SP4: variants seen among roughly 807,000 people sequenced by gnomAD.
The protein encoded by SP4 is transcription factor Sp4.
A neutral mutation model predicts 72.8 loss-of-function variants in SP4; 19 were observed. The observed-to-expected ratio is 0.26, with a 90% CI of 0.18 to 0.38. SP4 has a LOEUF of 0.38. SP4 is among the 10% of genes least tolerant of loss of function. SP4 has a pLI of 1.00. For synonymous variants in SP4, 395 were observed against 333.1 expected (o/e 1.19, Z -2.02); for missense variants, 1,008 against 926.3 (o/e 1.09, Z -1.14).
chr7:21,474,118 A>G (rs1031529662), intron 3 of SP4, among the ~76,000 whole-genome samples: 50 of 152,200 alleles, frequency 3.3e-4, no homozygotes, highest in Non-Finnish European at 1.3e-4. Flanking sequence ...GAGTGTGTCA[A>G]GGACATGGTC....
chr7:21,463,529 A>T (rs2128403163), intron 3 of SP4, among the ~76,000 whole-genome samples: 1 of 152,340 alleles, frequency 6.6e-6, no homozygotes, highest in Non-Finnish European at 1.5e-5. Context: ...CACGGATGCT[A>T]AGCGAAGCCA....
At chr7:21,452,584 GCCATTC>G (rs1463875508) in intron 3 of SP4, among the ~76,000 whole-genome samples, 1 of 152,112 alleles carries the variant, frequency 6.6e-6, no homozygotes, top group Non-Finnish European at 1.5e-5. Context: ...AGGAAAGCAT[GCCATTC>G]CAGTCAAAAC....
At chr7:21,510,946 A>G in intron 5 of SP4, 76 bp from the exon 6 acceptor site, 4 of 1,395,100 alleles carry the variant, frequency 2.9e-6, no homozygotes, top group Non-Finnish European at 3.9e-6. Context: ...TAATGTGACC[A>G]GAAGGGAGAT....
intron 5 of SP4, among the ~76,000 whole-genome samples, chr7:21,487,518 A>T (rs1484278133): frequency 6.6e-6 from 1 of 151,274 alleles, no homozygotes; most frequent in Admixed American, 6.6e-5. Flanking sequence ...TTTCTATTGA[A>T]TTGCATTTTA....
Position 21,509,952 on chromosome 7 carries a change from A to G in SP4, c.2108-1070A>G, listed in dbSNP as rs569611177. ...ATCATGGTGGAGGGCAAAGAGGAGCAAATCACATCTCGTGTGGATGGTGGC... is the reference window on the plus strand; with the variant it reads ...ATCATGGTGGAGGGCAAAGAGGAGCGAATCACATCTCGTGTGGATGGTGGC... On this transcript the variant is annotated intron_variant, in intron 5 of 5. Coordinates refer to ENST00000222584, the MANE Select transcript of SP4 (RefSeq NM_003112.5). 2.0e-5 allele frequency among the ~76,000 whole-genome samples: 3 copies of G among 152,356 alleles called. No individual in the cohort carries two copies. The South Asian group carries it at 6.2e-4, about 32-fold the overall frequency.
chr7:21,483,034 G>C (rs1251112188), intron 5 of SP4, among the ~76,000 whole-genome samples: 13 of 152,074 alleles, frequency 8.5e-5, no homozygotes, highest in Admixed American at 7.9e-4. Context: ...GCTAGGTAAT[G>C]GCTAAAGAGT....
intron 3 of SP4, among the ~76,000 whole-genome samples, chr7:21,442,116 G>C (rs1426361345): frequency 6.8e-6 from 1 of 146,318 alleles, no homozygotes; most frequent in East Asian, 2.0e-4. Context: ...TCGGCTCGCT[G>C]CAGCCTCTGC....
chr7:21,445,141 C>T lies in SP4; in HGVS notation c.1678+14298C>T, dbSNP rs1014745656. Among the ~76,000 whole-genome samples the T allele has an allele frequency of 5.3e-5, 8 of 152,134 alleles. No homozygotes were observed. In the East Asian group the frequency reaches 5.8e-4, roughly 11 times the overall value. Reference sequence around the variant, plus strand: ...AAAACACAGATTCTAAGAATATAAGCGCAATAAGAGTATGTATTCTTTTTT... The same window carrying T: ...AAAACACAGATTCTAAGAATATAAGTGCAATAAGAGTATGTATTCTTTTTT... On this transcript the variant is annotated intron_variant, in intron 3 of 5. Coordinates refer to ENST00000222584, the MANE Select transcript of SP4 (RefSeq NM_003112.5).
In SP4 at chr7:21,512,077, A is replaced by T. The variant is rs1782160175; in HGVS notation, c.*808A>T. ...TAACATGCAATGTTCTAAAGTTAGG[A>T]TTGATTATATTCCTAACCCTAGGTT... On this transcript the variant is annotated 3_prime_UTR_variant, in exon 6 of 6. Transcript: ENST00000222584. 6.6e-6 allele frequency: 1 copy of T among 152,622 alleles called. No individual in the cohort carries two copies. The highest frequency in any genetic ancestry group is 2.4e-5 in the African/African-American group (1 of 41,460). The allele number at this position is 152,622 out of a possible 1,614,324, so 9.5% of individuals were successfully genotyped here.
At chr7:21,464,357 A>G (rs1045771636) in intron 3 of SP4, among the ~76,000 whole-genome samples, 1 of 151,944 alleles carries the variant, frequency 6.6e-6, no homozygotes, top group Non-Finnish European at 1.5e-5. Context: ...CGGCCTCCCA[A>G]AGTGCTGGGA....
chr7:21,464,793 A>G lies in SP4; in HGVS notation c.1679-12286A>G, dbSNP rs557054885. The stretch of plus-strand genomic sequence containing the variant: ...GTCAAGAGGTAATAGAGCCCAATGT[A>G]GAATAAAAGTTGGTGATAGAGGCTA... On this transcript the variant is annotated intron_variant, in intron 3 of 5. Transcript: ENST00000222584. Among the ~76,000 whole-genome samples the G allele has an allele frequency of 3.3e-5, 5 of 152,326 alleles. No individual in the cohort carries two copies. In the South Asian group the frequency reaches 1.0e-3, roughly 32 times the overall value.
At chr7:21,442,038 A>C (rs10251078) in intron 3 of SP4, among the ~76,000 whole-genome samples, 1 of 93,328 alleles carries the variant, frequency 1.1e-5, no homozygotes, top group African/African-American at 4.4e-5. Context: ...GTGTGTGTGT[A>C]TTTTTTTTTT....
chr7:21,437,953 T>C (rs1030213320), intron 3 of SP4, among the ~76,000 whole-genome samples: 2 of 151,236 alleles, frequency 1.3e-5, no homozygotes, highest in African/African-American at 2.4e-5. Context: ...CGGAGTTTTA[T>C]CTTTAAAAGA....
At chr7:21,447,004 A>C (rs1404140512) in intron 3 of SP4, among the ~76,000 whole-genome samples, 1 of 152,144 alleles carries the variant, frequency 6.6e-6, no homozygotes, top group Non-Finnish European at 1.5e-5. Flanking sequence ...CGCCCTTGTG[A>C]CTAGCCACAT....
chr7:21,475,361 G>A (rs1784468568), intron 3 of SP4, among the ~76,000 whole-genome samples: 1 of 151,850 alleles, frequency 6.6e-6, no homozygotes, highest in Non-Finnish European at 1.5e-5. Flanking sequence ...TGTTCCACCT[G>A]CCTCAGCCTC....
At chr7:21,510,138 A>G (rs1782105260) in intron 5 of SP4, among the ~76,000 whole-genome samples, 1 of 152,198 alleles carries the variant, frequency 6.6e-6, no homozygotes, top group African/African-American at 2.4e-5. Context: ...ATGGGAGCAC[A>G]ATTCAAGATG....
At chr7:21,498,335 G>C (rs1781777164) in intron 5 of SP4, among the ~76,000 whole-genome samples, 1 of 152,158 alleles carries the variant, frequency 6.6e-6, no homozygotes, top group East Asian at 1.9e-4. Flanking sequence ...TAAGAGACTT[G>C]AGCATCAAAT....
At chr7:21,473,927 T>C (rs1784419669) in intron 3 of SP4, among the ~76,000 whole-genome samples, 1 of 152,172 alleles carries the variant, frequency 6.6e-6, no homozygotes, top group Non-Finnish European at 1.5e-5. Context: ...GGTGGCTTAC[T>C]GATGGCAGTG....
chr7:21,442,331 C>T (rs373664062), intron 3 of SP4, among the ~76,000 whole-genome samples: 135 of 152,234 alleles, frequency 8.9e-4, no homozygotes, highest in Middle Eastern at 3.4e-3. Flanking sequence ...TAAGCCACCA[C>T]GCCTGGGCCC....
Sources: gnomAD v4.1 joint callset for allele counts (sites outside exome capture counted in the v4.1 genomes callset) on GRCh38, gnomAD v4.1.1 for gene constraint, MANE v1.5 for transcripts, NCBI Gene and HGNC (gene_info 2026-07-23, HGNC 2026-07-21) for gene names.